Variants in ARHGEF3 observed in about 807,000 individuals in gnomAD.
The protein encoded by ARHGEF3 is 59.8 kDA protein.
A neutral mutation model predicts 63.2 loss-of-function variants in ARHGEF3; 28 were observed. The observed-to-expected ratio is 0.44, with a 90% CI of 0.33 to 0.61. The LOEUF is 0.61. Ranked by LOEUF, ARHGEF3 falls within the 20% of genes least tolerant of loss-of-function variation. The pLI is 0.03. For synonymous variants in ARHGEF3, 266 were observed against 254.2 expected (o/e 1.05, Z -0.44); for missense variants, 533 against 659.3 (o/e 0.81, Z 2.10).
chr3:57,065,450 G>C (rs1222314169), intron 1 of ARHGEF3, among the ~76,000 whole-genome samples: 1 of 151,516 alleles, frequency 6.6e-6, no homozygotes, highest in African/African-American at 2.4e-5. Flanking sequence ...AACAGAGCAG[G>C]ACTCCATCAC....
intron 2 of ARHGEF3, among the ~76,000 whole-genome samples, chr3:57,007,523 G>A (rs1428200215): frequency 6.6e-6 from 1 of 152,296 alleles, no homozygotes; most frequent in African/African-American, 2.4e-5. Context: ...TGCTCACAGG[G>A]GATGGATGCT....
At chr3:57,059,996 CAAAAAT>C (rs1225160543) in intron 1 of ARHGEF3, among the ~76,000 whole-genome samples, 242 of 150,224 alleles carry the variant, frequency 1.6e-3, no homozygotes, top group African/African-American at 5.6e-3. Flanking sequence ...AACTCTATCT[CAAAAAT>C]AAAAATAAAA....
intron 2 of ARHGEF3, among the ~76,000 whole-genome samples, chr3:56,995,500 T>C (rs1006731202): frequency 3.9e-5 from 6 of 152,100 alleles, no homozygotes; most frequent in South Asian, 2.1e-4. Flanking sequence ...GTGAGGATCT[T>C]TGTGGCACCC....
chr3:56,964,768 C>T (rs1700421683), intron 2 of ARHGEF3, among the ~76,000 whole-genome samples: 1 of 151,972 alleles, frequency 6.6e-6, no homozygotes, highest in Non-Finnish European at 1.5e-5. Flanking sequence ...AAAATGAGGC[C>T]TCTCTGAGAC....
At chr3:57,008,694 A>C (rs1702566353) in intron 2 of ARHGEF3, among the ~76,000 whole-genome samples, 5 of 150,854 alleles carry the variant, frequency 3.3e-5, no homozygotes, top group African/African-American at 2.4e-5. Flanking sequence ...CCGGTCTTGA[A>C]CTCCTGGCCT....
chr3:56,851,763 G>C (rs1469563022), intron 4 of ARHGEF3, among the ~76,000 whole-genome samples: 4 of 150,256 alleles, frequency 2.7e-5, no homozygotes, highest in Admixed American at 2.0e-4. Context: ...AGAAGATACA[G>C]ACAAAGCAAA....
intron 2 of ARHGEF3, among the ~76,000 whole-genome samples, chr3:57,009,734 C>G (rs1702607020): frequency 6.6e-6 from 1 of 152,112 alleles, no homozygotes; most frequent in Non-Finnish European, 1.5e-5. Flanking sequence ...TTCCACATCT[C>G]TTTAAAGGAA....
At chr3:56,730,262 GAGA>G (rs745908468) in intron 9 of ARHGEF3, among the ~76,000 whole-genome samples, 1 of 151,904 alleles carries the variant, frequency 6.6e-6, no homozygotes, top group Non-Finnish European at 1.5e-5. Context: ...TCCAATGATG[GAGA>G]AGATATATGT....
intron 2 of ARHGEF3, among the ~76,000 whole-genome samples, chr3:57,025,131 G>A (rs1159038497): frequency 2.0e-5 from 3 of 152,202 alleles, no homozygotes; most frequent in African/African-American, 7.2e-5. Context: ...AAAAATAAAG[G>A]AGGGATCTGT....
chr3:56,846,163 C>T (rs2039482378), intron 4 of ARHGEF3, among the ~76,000 whole-genome samples: 1 of 152,190 alleles, frequency 6.6e-6, no homozygotes, highest in Non-Finnish European at 1.5e-5. Flanking sequence ...CTAAAATTCC[C>T]ATTTGGGTCC....
chr3:56,930,513 G>C (rs375534549), intron 3 of ARHGEF3, among the ~76,000 whole-genome samples: 197 of 152,194 alleles, frequency 1.3e-3, no homozygotes, highest in African/African-American at 4.3e-3. Context: ...CACAGATTTT[G>C]GGATAGATTT....
chr3:56,846,727 C>G (rs1293490691), intron 4 of ARHGEF3, among the ~76,000 whole-genome samples: 1 of 152,120 alleles, frequency 6.6e-6, no homozygotes, highest in Admixed American at 6.5e-5. Context: ...TACCCCTCCT[C>G]AGACCCAGCC....
intron 4 of ARHGEF3, among the ~76,000 whole-genome samples, chr3:56,880,546 A>G (rs925041998): frequency 6.6e-6 from 1 of 152,202 alleles, no homozygotes; most frequent in Non-Finnish European, 1.5e-5. Flanking sequence ...AAAATGTAAG[A>G]CAAGGCATAA....
chr3:56,887,395 G>A (rs2040959259), intron 3 of ARHGEF3, among the ~76,000 whole-genome samples: 1 of 152,168 alleles, frequency 6.6e-6, no homozygotes, highest in African/African-American at 2.4e-5. Context: ...GATCTTGGGA[G>A]GTATCAGGAG....
intron 2 of ARHGEF3, among the ~76,000 whole-genome samples, chr3:57,014,361 A>G (rs981693410): frequency 1.3e-4 from 20 of 152,168 alleles, no homozygotes; most frequent in Non-Finnish European, 1.8e-4. Flanking sequence ...CTTAACCACT[A>G]CAGCACCTTC....
chr3:57,047,064 T>C (rs944333348), intron 1 of ARHGEF3, among the ~76,000 whole-genome samples: 2 of 152,174 alleles, frequency 1.3e-5, no homozygotes, highest in Non-Finnish European at 2.9e-5. Context: ...ATTAGACTAC[T>C]GGGACCTGGT....
At chr3:56,949,387 T>C (rs1699688043) in intron 3 of ARHGEF3, among the ~76,000 whole-genome samples, 1 of 151,976 alleles carries the variant, frequency 6.6e-6, no homozygotes, top group East Asian at 1.9e-4. Context: ...AACCCCATCG[T>C]CTCAGCCCAA....
At chr3:57,076,551 G>A (rs1706232116) in intron 1 of ARHGEF3, among the ~76,000 whole-genome samples, 1 of 152,162 alleles carries the variant, frequency 6.6e-6, no homozygotes. Flanking sequence ...TCCTCCAGTG[G>A]AACAGGCTAT....
At chr3:56,912,124 C>A (rs571032316) in intron 3 of ARHGEF3, among the ~76,000 whole-genome samples, 1 of 151,656 alleles carries the variant, frequency 6.6e-6, no homozygotes, top group Non-Finnish European at 1.5e-5. Flanking sequence ...TTCATTAAAT[C>A]ATTTGACTTT....
Sources: allele counts gnomAD v4.1 joint callset (sites outside exome capture counted in the v4.1 genomes callset), GRCh38; gene constraint gnomAD v4.1.1; transcripts MANE v1.5; gene names NCBI Gene and HGNC (gene_info 2026-07-23, HGNC 2026-07-21).